DNAJC16: variants seen among roughly 807,000 people sequenced by gnomAD.
The protein encoded by DNAJC16 is DnaJ heat shock protein family (Hsp40) member C16, also known as dnaJ homolog subfamily C member 16.
In DNAJC16, 76 loss-of-function variants were observed where a neutral mutation model predicts 92.7. That is an observed-to-expected ratio of 0.82 (90% CI 0.68 to 0.99). The LOEUF is 0.99. Ranked by LOEUF, DNAJC16 falls within the 50% of genes least tolerant of loss-of-function variation. The pLI, the probability that DNAJC16 is intolerant of heterozygous loss-of-function variation, is 0.00. For missense variants in DNAJC16, 869 were observed against 942.4 expected (o/e 0.92, Z 1.02); for synonymous variants, 328 against 358.7 (o/e 0.91, Z 0.97).
At position 15,568,304 on chromosome 1, in the gene DNAJC16, G is replaced by T; in HGVS notation, c.*127G>T. 1 of 798,488 alleles carries T rather than the reference G, an allele frequency of 1.3e-6. No homozygotes were observed. Among genetic ancestry groups the T allele is most frequent in the Non-Finnish European group, 2.0e-6 (1 of 506,852 alleles). The allele number at this position is 798,488 out of a possible 1,614,324, so 49.5% of individuals were successfully genotyped here. ...TTTAGATTGCTCTTCTAGAACCATG[G>T]CTAGAAGAATCTTTCCTTTGTCCTG... is the stretch of plus-strand genomic sequence containing the variant. On this transcript the variant is annotated 3_prime_UTR_variant, in exon 15 of 15. Coordinates refer to ENST00000375847, the MANE Select transcript of DNAJC16 (RefSeq NM_015291.4).
intron 4 of DNAJC16, among the ~76,000 whole-genome samples, chr1:15,540,701 C>T (rs189394157): frequency 1.3e-5 from 2 of 152,264 alleles, no homozygotes; most frequent in African/African-American, 4.8e-5. Flanking sequence ...CCTCCCAAAG[C>T]ACTGGTATTA....
chr1:15,534,991 C>T (rs567893681), intron 3 of DNAJC16, among the ~76,000 whole-genome samples: 1 of 152,292 alleles, frequency 6.6e-6, no homozygotes, highest in African/African-American at 2.4e-5. Context: ...TATGTCAGCT[C>T]AAGTAGATTG....
At chr1:15,563,084 TCTC>T (rs931948443) in intron 9 of DNAJC16, among the ~76,000 whole-genome samples, 2 of 151,742 alleles carry the variant, frequency 1.3e-5, no homozygotes, top group African/African-American at 4.8e-5. Context: ...AACAAGAAAT[TCTC>T]CTCTGACTTT....
intron 8 of DNAJC16, among the ~76,000 whole-genome samples, chr1:15,561,682 T>C (rs565863803): frequency 4.8e-4 from 73 of 151,634 alleles, no homozygotes; most frequent in Admixed American, 8.5e-4. Flanking sequence ...CAAGACTCCA[T>C]CTCAAAAAAT....
intron 7 of DNAJC16, among the ~76,000 whole-genome samples, chr1:15,557,617 T>G: frequency 6.6e-6 from 1 of 152,172 alleles, no homozygotes; most frequent in Non-Finnish European, 1.5e-5. Flanking sequence ...ATGTTAATTG[T>G]AAAATTCCCC....
chr1:15,542,789 G>A (rs12736181), intron 4 of DNAJC16, among the ~76,000 whole-genome samples: 48,244 of 152,028 alleles, frequency 0.32, 8,025 homozygotes, highest in East Asian at 0.58. Context: ...CCCCCACAGC[G>A]TGTGGTGTCA....
chr1:15,536,499 T>C lies in DNAJC16; in HGVS notation c.259T>C (p.Ser87Pro). 6.3e-7 allele frequency: 1 copy of C among 1,595,426 alleles called. No homozygotes were observed. The change falls in exon 4 of 15, where the codon TCA becomes CCA. Residue 87 changes from serine to proline, a missense_variant. By Grantham distance (74) the Ser-to-Pro change is moderately conservative. Coordinates refer to ENST00000375847, the MANE Select transcript of DNAJC16 (RefSeq NM_015291.4). ...YEILSNEEKR[S>P]NYDQYGDAGE... ...GATTCTTTCAAATGAAGAAAAGAGA[T>C]CAAATTATGATCAATATGGAGACGC...
chr1:15,548,782 G>A (rs1042914984), intron 7 of DNAJC16, among the ~76,000 whole-genome samples: 43 of 152,080 alleles, frequency 2.8e-4, no homozygotes, highest in African/African-American at 9.6e-4. Flanking sequence ...GGTAGGAAAG[G>A]GTTAAAAAGC....
chr1:15,564,261 C>T, intron 10 of DNAJC16, 22 bp from the exon 11 acceptor site: 1 of 1,566,874 alleles, frequency 6.4e-7, no homozygotes, highest in Non-Finnish European at 8.8e-7. Context: ...TCCTGACCAT[C>T]ATCCATTTTC....
chr1:15,555,213 T>TA (rs1638539905), intron 7 of DNAJC16, among the ~76,000 whole-genome samples: 1 of 146,806 alleles, frequency 6.8e-6, no homozygotes, highest in African/African-American at 2.5e-5. Flanking sequence ...CCGTCTCTAC[T>TA]AAAATACAAA....
chr1:15,529,522 A>C (rs2103400154), intron 2 of DNAJC16, among the ~76,000 whole-genome samples: 1 of 152,344 alleles, frequency 6.6e-6, no homozygotes, highest in Non-Finnish European at 1.5e-5. Context: ...AGATACTGTT[A>C]GCATATTTAA....
chr1:15,567,793 C>T lies in DNAJC16; in HGVS notation c.1965C>T (p.His655=), dbSNP rs139221984. 1.3e-3 allele frequency: 2,056 copies of T among 1,613,700 alleles called. 59 individuals are homozygous for T. The Admixed American group carries it at 0.033, about 26-fold the overall frequency. ...VYTFTGSSCL[H]FSFLSLDKHR... is the part of the protein sequence containing the mutation. ...CTTCCTACAGGAGCAGCTGCCTACA[C>T]TTCTCCTTCCTGAGTCTAGATAAAC... Residue 655 remains histidine, a synonymous_variant, in exon 15 of 15, where the codon CAC becomes CAT. Coordinates refer to ENST00000375847, the MANE Select transcript of DNAJC16 (RefSeq NM_015291.4).
At position 15,544,530 on chromosome 1, in the gene DNAJC16, G is replaced by T. The variant is rs1638241475; in HGVS notation, c.706G>T (p.Glu236Ter). Residue 236 changes from glutamate to a stop codon, truncating the protein, a stop_gained, in exon 5 of 15, where the codon GAA becomes TAA. Coordinates refer to ENST00000375847, the MANE Select transcript of DNAJC16 (RefSeq NM_015291.4). LOFTEE classifies it high-confidence loss of function. ...CTTCTTCCACAATGCAGTTGTCCGT[G>T]AAAATCTGCGACAATTTGTAGAAAG... ...ISFFHNAVVR[E>*]NLRQFVESLL... 1.2e-6 allele frequency: 2 copies of T among 1,614,190 alleles called. No individual in the cohort carries two copies. The highest frequency in any genetic ancestry group is 1.7e-6 in the Non-Finnish European group (2 of 1,180,036).
chr1:15,548,659 A>G (rs1638369625), intron 7 of DNAJC16, among the ~76,000 whole-genome samples: 1 of 152,210 alleles, frequency 6.6e-6, no homozygotes, highest in African/African-American at 2.4e-5. Flanking sequence ...AAAACCAACA[A>G]TCTTTTTCCA....
intron 4 of DNAJC16, among the ~76,000 whole-genome samples, chr1:15,541,205 C>T (rs2103409682): frequency 6.6e-6 from 1 of 152,304 alleles, no homozygotes; most frequent in South Asian, 2.1e-4. Context: ...AGTTGACCTC[C>T]CTAGGTGATG....
Position 15,567,087 on chromosome 1 carries a change from AT to A in DNAJC16, c.1779-9del, listed in dbSNP as rs1557590238. 6.2e-7 allele frequency: 1 copy of A among 1,603,702 alleles called. No individual in the cohort carries two copies. The highest frequency in any genetic ancestry group is 1.7e-5 in the Admixed American group (1 of 59,836). On this transcript the variant is annotated splice_polypyrimidine_tract_variant and intron_variant, in intron 13 of 14. Transcript: ENST00000375847. ...CCTGACAGCATCTTAACTCCTCAAT[AT>A]TTCTCCACAGCAAGATTCCTAAAAA... is the stretch of plus-strand genomic sequence containing the variant.
chr1:15,559,348 C>T (rs1041352888), intron 7 of DNAJC16, among the ~76,000 whole-genome samples, 178 bp from the exon 8 acceptor site: 32 of 152,136 alleles, frequency 2.1e-4, no homozygotes, highest in African/African-American at 7.7e-4. Context: ...TGCTTTCAGC[C>T]CTGCATTGCT....
chr1:15,568,108 A>G lies in DNAJC16; in HGVS notation c.2280A>G (p.Leu760=), dbSNP rs969798119. ...PIKGKLSKLS[L]WMERLLEGSL... ...AAGGAAAGTTGAGCAAGCTCTCTTT[A>G]TGGATGGAACGCCTGCTGGAGGGCT... Residue 760 remains leucine (L), a synonymous_variant, in exon 15 of 15, where the codon TTA becomes TTG. Coordinates refer to ENST00000375847, the MANE Select transcript of DNAJC16 (RefSeq NM_015291.4). The G allele has an allele frequency of 3.1e-6, 5 of 1,614,078 alleles. No homozygotes were observed. Among genetic ancestry groups the G allele is most frequent in the Non-Finnish European group, 4.2e-6 (5 of 1,180,046 alleles).
intron 5 of DNAJC16, among the ~76,000 whole-genome samples, chr1:15,546,228 C>T (rs1195083891): frequency 6.6e-6 from 1 of 152,068 alleles, no homozygotes; most frequent in Admixed American, 6.6e-5. Context: ...TCACTTGATC[C>T]TGGGAGGTTT....
Sources: gnomAD v4.1 joint callset for allele counts (sites outside exome capture counted in the v4.1 genomes callset) on GRCh38, gnomAD v4.1.1 for gene constraint, MANE v1.5 for transcripts, NCBI Gene and HGNC (gene_info 2026-07-23, HGNC 2026-07-21) for gene names.